OTUB2: variants seen among roughly 807,000 people sequenced by gnomAD.
The protein encoded by OTUB2 is ubiquitin thioesterase OTUB2.
A neutral mutation model predicts 25.1 loss-of-function variants in OTUB2; 21 were observed. That is an observed-to-expected ratio of 0.84 (90% CI 0.59 to 1.21). The LOEUF (loss-of-function observed/expected upper bound fraction) is 1.21. Ranked by LOEUF, OTUB2 falls within the 50% of genes most tolerant of loss-of-function variation. The probability of loss-of-function intolerance (pLI) is 0.00; values close to 1 mark genes in which losing one functional copy is unlikely to be tolerated. For missense variants in OTUB2, 283 were observed against 298.0 expected (o/e 0.95, Z 0.37); for synonymous variants, 122 against 122.8 (o/e 0.99, Z 0.04).
Position 94,039,059 on chromosome 14 carries a change from G to A in OTUB2, c.196G>A (p.Gly66Arg), listed in dbSNP as rs763476677. 1.2e-6 allele frequency: 2 copies of A among 1,614,060 alleles called. No individual in the cohort carries two copies. The highest frequency in any genetic ancestry group is 2.2e-5 in the South Asian group (2 of 91,084). Reference protein sequence around the residue: ...LGYSYLESLLGKSREIFKFKE... With the variant: ...LGYSYLESLLRKSREIFKFKE... ...CTATTCCTACCTGGAGTCCCTGCTG[G>A]GGAAGAGCAGGGAGATCTTCAAGTG... Residue 66 changes from glycine (G) to arginine (R), a missense_variant, in exon 3 of 6, where the codon GGG becomes AGG. Coordinates refer to ENST00000203664, the MANE Select transcript of OTUB2 (RefSeq NM_023112.4).
intron 1 of OTUB2, among the ~76,000 whole-genome samples, chr14:94,033,470 C>T (rs946146186): frequency 6.6e-6 from 1 of 152,232 alleles, no homozygotes; most frequent in Non-Finnish European, 1.5e-5. Context: ...CCTCCTCAGA[C>T]ACCCTGCAGA....
chr14:94,037,889 A>G (rs1334959455), intron 2 of OTUB2, among the ~76,000 whole-genome samples: 2 of 152,156 alleles, frequency 1.3e-5, no homozygotes, highest in East Asian at 3.9e-4. Flanking sequence ...GTGCTGGGAG[A>G]CCTCTTGGAG....
intron 1 of OTUB2, among the ~76,000 whole-genome samples, 167 bp downstream of exon 1, chr14:94,026,707 C>T (rs894424601): frequency 6.6e-6 from 1 of 152,076 alleles, no homozygotes; most frequent in Non-Finnish European, 1.5e-5. Context: ...CGGACGGATA[C>T]TGAGGGCCAA....
chr14:94,029,564 T>TA (rs2141406426), intron 1 of OTUB2, among the ~76,000 whole-genome samples: 1 of 152,358 alleles, frequency 6.6e-6, no homozygotes, highest in South Asian at 2.1e-4. Flanking sequence ...CGTATTGAAT[T>TA]AGAGGCCCAC....
chr14:94,045,094 C>T (rs540250153), intron 5 of OTUB2, among the ~76,000 whole-genome samples: 1 of 152,296 alleles, frequency 6.6e-6, no homozygotes, highest in South Asian at 2.1e-4. Context: ...TGGTATTTAC[C>T]AGAAAGAGTT....
chr14:94,040,290 A>G (rs1226366205), intron 3 of OTUB2, among the ~76,000 whole-genome samples: 6 of 152,302 alleles, frequency 3.9e-5, no homozygotes, highest in Admixed American at 2.6e-4. Flanking sequence ...AGAGTCAGCT[A>G]TCTCAAGCCA....
In OTUB2 at chr14:94,037,473, G is replaced by T. The variant is rs747561679; in HGVS notation, c.97G>T (p.Glu33Ter). ...AAACAGGATTTACCGGAGGAAAATC[G>T]AGGTGAGGCAGAGGGCAGGGAGAAG... is the stretch of plus-strand genomic sequence containing the variant. ...PENRIYRRKIEELSKRFTAIR... is the reference protein window; with the variant it reads ...PENRIYRRKI The change falls in exon 2 of 6, where the codon GAG (glutamate) becomes TAG (stop). Residue 33 changes from glutamate to a stop codon, truncating the protein, a stop_gained and splice_region_variant. Transcript: ENST00000203664. LOFTEE classifies it high-confidence loss of function. 3.8e-6 allele frequency: 6 copies of T among 1,586,456 alleles called. No homozygotes were observed. The highest frequency in any genetic ancestry group is 4.3e-6 in the Non-Finnish European group (5 of 1,155,876).
In OTUB2 at chr14:94,043,949, A is replaced by G. The variant is rs775392307; in HGVS notation, c.219-22A>G. ...ACTCTCGCTGTGTTTCCCTGTAAAC[A>G]CTCAGTCTTCCCCCTCTGTAGGTTC... is the stretch of plus-strand genomic sequence containing the variant. On this transcript the variant is annotated intron_variant, in intron 3 of 5. Coordinates refer to ENST00000203664, the MANE Select transcript of OTUB2 (RefSeq NM_023112.4). 14 of 1,607,204 alleles carry G rather than the reference A, an allele frequency of 8.7e-6. No individual in the cohort carries two copies. In the African/African-American group the frequency reaches 1.9e-4, roughly 21 times the overall value.
chr14:94,031,376 T>A (rs1261124326), intron 1 of OTUB2, among the ~76,000 whole-genome samples: 1 of 152,192 alleles, frequency 6.6e-6, no homozygotes, highest in African/African-American at 2.4e-5. Context: ...GGCCCATGGC[T>A]GCGGGCTGCT....
chr14:94,044,931 C>A (rs1885241572), intron 5 of OTUB2, 151 bp downstream of exon 5: 1 of 771,340 alleles, frequency 1.3e-6, no homozygotes, highest in Non-Finnish European at 2.0e-6. Flanking sequence ...GCAGACAGGT[C>A]CCACCTGAGC....
chr14:94,033,718 C>T lies in OTUB2; in HGVS notation c.4-3662C>T, dbSNP rs573551110. Among the ~76,000 whole-genome samples the T allele has an allele frequency of 8.3e-4, 126 of 152,314 alleles. 9 individuals are homozygous for T. The highest frequency in any genetic ancestry group is 7.2e-4 in the Admixed American group (11 of 15,288). On this transcript the variant is annotated intron_variant, in intron 1 of 5. Coordinates refer to ENST00000203664, the MANE Select transcript of OTUB2 (RefSeq NM_023112.4). The stretch of plus-strand genomic sequence containing the variant: ...AAGTCAGAGGGTGCGTGAGTGGGAA[C>T]GAATTGGGCAGAGCAGGTGCGCTTG...
rs1295520816 is a variant in OTUB2 at position 94,048,624 on chromosome 14, G to C, written c.*2702G>C. The C allele has an allele frequency of 6.6e-6, 1 of 152,234 alleles. No homozygotes were observed. Among genetic ancestry groups the C allele is most frequent in the Admixed American group, 6.5e-5 (1 of 15,284 alleles). 9.4% of individuals were successfully genotyped at this position (152,234 alleles called of 1,614,324 possible). A position where few individuals can be genotyped will look rare whatever the true frequency, so the allele number is the denominator to read the frequency against. On this transcript the variant is annotated 3_prime_UTR_variant, in exon 6 of 6. Transcript: ENST00000203664. ...ATTATACCTGACACACTCATCGTATGGGCTCTGCAAAGGGATATTCCCCAA... is the reference window on the plus strand; with the variant it reads ...ATTATACCTGACACACTCATCGTATCGGCTCTGCAAAGGGATATTCCCCAA...
At chr14:94,044,509 G>GGAGGGAGC in intron 4 of OTUB2, 77 bp from the exon 5 acceptor site, 1 of 1,427,564 alleles carries the variant, frequency 7.0e-7, no homozygotes, top group Non-Finnish European at 9.5e-7. Context: ...TCACGCGAAG[G>GGAGGGAGC]GAGGGAGCGG....
intron 3 of OTUB2, 120 bp from the exon 4 acceptor site, chr14:94,043,851 C>G (rs1885208407): frequency 2.3e-6 from 2 of 865,504 alleles, no homozygotes; most frequent in Non-Finnish European, 3.9e-6. Flanking sequence ...GCGGGAGGTT[C>G]TGCGGCTGGA....
chr14:94,038,981 ACCG>A lies in OTUB2; in HGVS notation c.121_123del (p.Ala41del). On this transcript the variant is annotated inframe_deletion, in exon 3 of 6. Coordinates refer to ENST00000203664, the MANE Select transcript of OTUB2 (RefSeq NM_023112.4). Reference sequence around the variant, plus strand: ...CCCTCAGGAACTCAGCAAAAGGTTCACCGCCATCCGCAAGACCAAAGGGGATGG... The same window carrying A: ...CCCTCAGGAACTCAGCAAAAGGTTCACCATCCGCAAGACCAAAGGGGATGG... 1 of 1,614,206 alleles carries A rather than the reference ACCG, an allele frequency of 6.2e-7. No individual in the cohort carries two copies. Among genetic ancestry groups the A allele is most frequent in the Non-Finnish European group, 8.5e-7 (1 of 1,180,030 alleles).
chr14:94,048,924 TCC>T lies in OTUB2; in HGVS notation c.*3003_*3004del, dbSNP rs1885335877. The T allele has an allele frequency of 6.6e-6, 1 of 152,258 alleles. No individual in the cohort carries two copies. Among genetic ancestry groups the T allele is most frequent in the East Asian group, 1.9e-4 (1 of 5,200 alleles). The allele number at this position is 152,258 out of a possible 1,614,324, so 9.4% of individuals were successfully genotyped here. A position where few individuals can be genotyped will look rare whatever the true frequency, so the allele number is the denominator to read the frequency against. ...ACATTCTCCTAGCATTAAAATGGTTTCCATAACTACTTTTGTCCTGGCTTCTT... is the reference window on the plus strand; with the variant it reads ...ACATTCTCCTAGCATTAAAATGGTTTATAACTACTTTTGTCCTGGCTTCTT... On this transcript the variant is annotated 3_prime_UTR_variant, in exon 6 of 6. Coordinates refer to ENST00000203664, the MANE Select transcript of OTUB2 (RefSeq NM_023112.4).
chr14:94,048,554 GATT>G lies in OTUB2; in HGVS notation c.*2636_*2638del, dbSNP rs1337260125. The G allele has an allele frequency of 6.6e-6, 1 of 152,178 alleles. No individual in the cohort carries two copies. The highest frequency in any genetic ancestry group is 1.9e-4 in the East Asian group (1 of 5,198). The allele number at this position is 152,178 out of a possible 1,614,324, so 9.4% of individuals were successfully genotyped here. On this transcript the variant is annotated 3_prime_UTR_variant, in exon 6 of 6. Coordinates refer to ENST00000203664, the MANE Select transcript of OTUB2 (RefSeq NM_023112.4). ...TGGCAACAATACCTATGTGTCACTG[GATT>G]ATTGGTTAAAACAGAATGAGATTCC...
chr14:94,044,823 T>C (rs1238137995), intron 5 of OTUB2, 43 bp downstream of exon 5: 2 of 1,565,490 alleles, frequency 1.3e-6, no homozygotes, highest in Non-Finnish European at 1.7e-6. Flanking sequence ...GCTCTGCTCC[T>C]GTGGCCCTGT....
Position 94,048,823 on chromosome 14 carries a change from G to C in OTUB2, c.*2901G>C, listed in dbSNP as rs1348629223. On this transcript the variant is annotated 3_prime_UTR_variant, in exon 6 of 6. Transcript: ENST00000203664. ...GGAGTGGGGAGGGGGCTGTAACTCA[G>C]TGAGTGGCTTCCAGGGGCCCCAGGC... The C allele has an allele frequency of 1.3e-5, 2 of 152,298 alleles. No homozygotes were observed. The highest frequency in any genetic ancestry group is 1.5e-5 in the Non-Finnish European group (1 of 68,102). The allele number at this position is 152,298 out of a possible 1,614,324, so 9.4% of individuals were successfully genotyped here.
Sources: allele counts gnomAD v4.1 joint callset (sites outside exome capture counted in the v4.1 genomes callset), GRCh38; gene constraint gnomAD v4.1.1; transcripts MANE v1.5; gene names NCBI Gene and HGNC (gene_info 2026-07-23, HGNC 2026-07-21).